The following TRIB2 variants were observed in gnomAD, a reference collection of about 807,000 sequenced individuals.
TRIB2 encodes tribbles homolog 2.
In TRIB2, 2 loss-of-function variants were observed where a neutral mutation model predicts 26.8. That is an observed-to-expected ratio of 0.07 (90% CI 0.03 to 0.24). The LOEUF (loss-of-function observed/expected upper bound fraction) is 0.24, where lower values mean the gene tolerates loss of function less well. TRIB2 is among the 10% of genes least tolerant of loss of function. TRIB2 has a pLI of 1.00. For synonymous variants in TRIB2, 189 were observed against 187.3 expected (o/e 1.01, Z -0.08); for missense variants, 306 against 449.0 (o/e 0.68, Z 2.88).
rs187916442 is a variant in TRIB2 at position 12,718,009 on chromosome 2, A to T, written c.-299A>T. The T allele has an allele frequency of 2.0e-3, 810 of 408,694 alleles. 10 individuals are homozygous for T. Among genetic ancestry groups the T allele is most frequent in the African/African-American group, 0.015 (738 of 50,040 alleles). 25.3% of individuals were successfully genotyped at this position (408,694 alleles called of 1,614,324 possible). On this transcript the variant is annotated 5_prime_UTR_variant, in exon 1 of 3. Transcript: ENST00000155926. This position sits in a 1 kb window ranked among gnomAD's most constrained non-coding sequence, Gnocchi z 4.0. ...TCATCCAGATCCACGCCGGGGACAC[A>T]CACACAGAGTAACTAAAAGTGCGGC...
chr2:12,742,395 G>A lies in TRIB2; in HGVS notation c.*1601G>A, dbSNP rs930040474. 4 of 152,786 alleles carry A rather than the reference G, an allele frequency of 2.6e-5. No individual in the cohort carries two copies. The East Asian group carries it at 7.7e-4, about 29-fold the overall frequency. 9.5% of individuals were successfully genotyped at this position (152,786 alleles called of 1,614,324 possible). ...ATGTGCAGACTCTTGGATGCTTTATGCCTGCGCAGCAGGAGCCCTGTCCTC... is the reference window on the plus strand; with the variant it reads ...ATGTGCAGACTCTTGGATGCTTTATACCTGCGCAGCAGGAGCCCTGTCCTC... On this transcript the variant is annotated 3_prime_UTR_variant, in exon 3 of 3. Coordinates refer to ENST00000155926, the MANE Select transcript of TRIB2 (RefSeq NM_021643.4).
chr2:12,724,548 C>A, intron 2 of TRIB2: 1 of 1,539,214 alleles, frequency 6.5e-7, no homozygotes, highest in Non-Finnish European at 8.7e-7. Flanking sequence ...AATGCCTTTA[C>A]CTTTATTAAC....
At chr2:12,731,170 A>G (rs1026865799) in intron 2 of TRIB2, among the ~76,000 whole-genome samples, 1 of 152,198 alleles carries the variant, frequency 6.6e-6, no homozygotes, top group Non-Finnish European at 1.5e-5. Context: ...GGTGTGGAGA[A>G]TGGTCACCTC....
rs773691614 is a variant in TRIB2, at chr2:12,718,386, T to C, written c.79T>C (p.Leu27=). 3.7e-6 allele frequency: 6 copies of C among 1,613,596 alleles called. No individual in the cohort carries two copies. Among genetic ancestry groups the C allele is most frequent in the Non-Finnish European group, 5.1e-6 (6 of 1,179,928 alleles). ...SRNKTQDFEE[L]SSIRSAEPSQ... ...GAACAAAACCCAGGATTTCGAAGAG[T>C]TGTCGTCTATAAGGTCCGCGGAGCC... Residue 27 remains leucine (L), a synonymous_variant, in exon 1 of 3, where the codon TTG becomes CTG. Coordinates refer to ENST00000155926, the MANE Select transcript of TRIB2 (RefSeq NM_021643.4). This position sits in a 1 kb window ranked among gnomAD's most constrained non-coding sequence, Gnocchi z 4.0.
At chr2:12,725,177 C>T (rs547747201) in intron 2 of TRIB2, among the ~76,000 whole-genome samples, 1 of 152,210 alleles carries the variant, frequency 6.6e-6, no homozygotes, top group African/African-American at 2.4e-5. Flanking sequence ...CCCTCTCTCG[C>T]AGGGATCTGT....
chr2:12,724,974 G>A, intron 2 of TRIB2: 1 of 1,276,630 alleles, frequency 7.8e-7, no homozygotes, highest in South Asian at 1.7e-5. Flanking sequence ...CTTACCATAA[G>A]GTTAAAGTTT....
rs1468436508 is a variant in TRIB2, at chr2:12,740,795, G to A, written c.*1G>A. The A allele has an allele frequency of 6.2e-7, 1 of 1,611,966 alleles. No individual in the cohort carries two copies. Among genetic ancestry groups the A allele is most frequent in the East Asian group, 2.2e-5 (1 of 44,882 alleles). ...GAACTTGGACCCTTTCTTTAACTGA[G>A]CTCATGCCCCACGGAGACTTAGCAG... On this transcript the variant is annotated 3_prime_UTR_variant, in exon 3 of 3. Transcript: ENST00000155926. This position sits in a 1 kb window ranked among gnomAD's most constrained non-coding sequence, Gnocchi z 5.8.
rs1210820277 is a variant in TRIB2, at chr2:12,717,743, A to C, written c.-565A>C. On this transcript the variant is annotated 5_prime_UTR_variant, in exon 1 of 3. Coordinates refer to ENST00000155926, the MANE Select transcript of TRIB2 (RefSeq NM_021643.4). The surrounding 1 kb of genome is among the most constrained non-coding windows in gnomAD (Gnocchi z 4.8). Reference sequence around the variant, plus strand: ...TACACGCCCCCCACCCTTTCCACCAAAAAAAGGGGGTGCAGCGCGGATTCT... The same window carrying C: ...TACACGCCCCCCACCCTTTCCACCACAAAAAGGGGGTGCAGCGCGGATTCT... The C allele has an allele frequency of 5.6e-6, 2 of 356,680 alleles. No homozygotes were observed. Among genetic ancestry groups the C allele is most frequent in the Admixed American group, 4.7e-5 (1 of 21,380 alleles). 22.1% of individuals were successfully genotyped at this position (356,680 alleles called of 1,614,324 possible).
intron 2 of TRIB2, among the ~76,000 whole-genome samples, chr2:12,734,100 T>C (rs1419139571): frequency 1.3e-5 from 2 of 152,206 alleles, no homozygotes; most frequent in African/African-American, 2.4e-5. Context: ...GTTCTCTTCC[T>C]ATGCCAGGCA....
chr2:12,738,950 G>T lies in TRIB2; in HGVS notation c.564-1376G>T, dbSNP rs887852341. On this transcript the variant is annotated intron_variant, in intron 2 of 2. Coordinates refer to ENST00000155926, the MANE Select transcript of TRIB2 (RefSeq NM_021643.4). ...CTGGGTTCCAGGCAGTTTAATGCAG[G>T]ATTTCTTACCTCTTTTCTTGAGCAT... is the stretch of plus-strand genomic sequence containing the variant. 4.6e-5 allele frequency among the ~76,000 whole-genome samples: 7 copies of T among 152,116 alleles called. 1 individual carries two copies. The highest frequency in any genetic ancestry group is 2.0e-4 in the Admixed American group (3 of 15,276).
intron 1 of TRIB2, 38 bp from the exon 2 acceptor site, chr2:12,723,222 C>A: frequency 1.3e-6 from 2 of 1,585,172 alleles, no homozygotes; most frequent in Non-Finnish European, 1.7e-6. Flanking sequence ...GTACAAGAGG[C>A]ACCTCTGACT....
At position 12,740,183 on chromosome 2, in the gene TRIB2, T is replaced by C. The variant is rs771778126; in HGVS notation, c.564-143T>C. ...CAGCTAGAAGGTGCTCAGTGAGTAA[T>C]GTTTGGCTGGTCAGATGAATGCGTG... is the stretch of plus-strand genomic sequence containing the variant. On this transcript the variant is annotated intron_variant, in intron 2 of 2. Coordinates refer to ENST00000155926, the MANE Select transcript of TRIB2 (RefSeq NM_021643.4). The surrounding 1 kb of genome is among the most constrained non-coding windows in gnomAD (Gnocchi z 5.8). The C allele has an allele frequency of 3.1e-5, 25 of 819,440 alleles. No individual in the cohort carries two copies. The highest frequency in any genetic ancestry group is 4.4e-5 in the Non-Finnish European group (23 of 526,024). 50.8% of individuals were successfully genotyped at this position (819,440 alleles called of 1,614,324 possible). A position where few individuals can be genotyped will look rare whatever the true frequency, so the allele number is the denominator to read the frequency against.
rs1325687396 is a variant in TRIB2 at position 12,718,299 on chromosome 2, C to T, written c.-9C>T. On this transcript the variant is annotated 5_prime_UTR_variant, in exon 1 of 3. Coordinates refer to ENST00000155926, the MANE Select transcript of TRIB2 (RefSeq NM_021643.4). This position sits in a 1 kb window ranked among gnomAD's most constrained non-coding sequence, Gnocchi z 4.0. ...TTTTTTTTGTTTGTCGTGTGCGATC[C>T]TCACACTCATGAACATACACAGGTC... The T allele has an allele frequency of 6.2e-7, 1 of 1,607,086 alleles. No homozygotes were observed. Among genetic ancestry groups the T allele is most frequent in the Non-Finnish European group, 8.5e-7 (1 of 1,174,148 alleles).
In TRIB2 at chr2:12,740,267, C is replaced by A; in HGVS notation, c.564-59C>A. On this transcript the variant is annotated intron_variant, in intron 2 of 2. Transcript: ENST00000155926. The surrounding 1 kb of genome is among the most constrained non-coding windows in gnomAD (Gnocchi z 5.8). ...CACTATAGTCGGTTATGTTATGATGCTGGTGGTAACGTGTCTCTGAGCACC... is the reference window on the plus strand; with the variant it reads ...CACTATAGTCGGTTATGTTATGATGATGGTGGTAACGTGTCTCTGAGCACC... The A allele has an allele frequency of 6.8e-7, 1 of 1,476,910 alleles. No individual in the cohort carries two copies. Among genetic ancestry groups the A allele is most frequent in the Non-Finnish European group, 9.3e-7 (1 of 1,071,400 alleles). 91.5% of individuals were successfully genotyped at this position (1,476,910 alleles called of 1,614,324 possible).
chr2:12,726,950 G>A (rs1273800780), intron 2 of TRIB2, among the ~76,000 whole-genome samples: 1 of 152,192 alleles, frequency 6.6e-6, no homozygotes, highest in Non-Finnish European at 1.5e-5. Context: ...AACGTTGTTA[G>A]TGGAACTGCC....
At chr2:12,733,037 A>G (rs1661490060) in intron 2 of TRIB2, among the ~76,000 whole-genome samples, 1 of 139,124 alleles carries the variant, frequency 7.2e-6, no homozygotes, top group Non-Finnish European at 1.6e-5. Flanking sequence ...TCTTCCTGCC[A>G]AGGGCCCACA....
chr2:12,718,131 A>C lies in TRIB2; in HGVS notation c.-177A>C. The C allele has an allele frequency of 1.2e-6, 1 of 857,372 alleles. No homozygotes were observed. Among genetic ancestry groups the C allele is most frequent in the Non-Finnish European group, 1.7e-6 (1 of 577,528 alleles). The allele number at this position is 857,372 out of a possible 1,614,324, so 53.1% of individuals were successfully genotyped here. On this transcript the variant is annotated 5_prime_UTR_variant, in exon 1 of 3. Transcript: ENST00000155926. This position sits in a 1 kb window ranked among gnomAD's most constrained non-coding sequence, Gnocchi z 4.0. ...GAGCCGGGCTCGGAGCAGACGAGGT[A>C]TCCGGCGGCGCCCATTTGGGGGCTT...
rs1276204876 is a variant in TRIB2 at position 12,732,929 on chromosome 2, CACTGACCTTAGGCCACCGG to C, written c.564-7393_564-7375del. On this transcript the variant is annotated intron_variant, in intron 2 of 2. Coordinates refer to ENST00000155926, the MANE Select transcript of TRIB2 (RefSeq NM_021643.4). The surrounding 1 kb of genome is among the most constrained non-coding windows in gnomAD (Gnocchi z 4.2). ...GGCCTTCAGTGACTTCTCTGGATTTCACTGACCTTAGGCCACCGGACTTCCCATCCCTGCCAGGCCCACT... is the reference window on the plus strand; with the variant it reads ...GGCCTTCAGTGACTTCTCTGGATTTCACTTCCCATCCCTGCCAGGCCCACT... Among the ~76,000 whole-genome samples, 1 of 152,156 alleles carries C rather than the reference CACTGACCTTAGGCCACCGG, an allele frequency of 6.6e-6. No homozygotes were observed. Among genetic ancestry groups the C allele is most frequent in the African/African-American group, 2.4e-5 (1 of 41,432 alleles).
At chr2:12,729,400 G>C (rs1661405455) in intron 2 of TRIB2, among the ~76,000 whole-genome samples, 1 of 152,190 alleles carries the variant, frequency 6.6e-6, no homozygotes, top group African/African-American at 2.4e-5. Context: ...CAGAAAGAGA[G>C]AGGCAGGGGT....
Sources: allele counts gnomAD v4.1 joint callset (sites outside exome capture counted in the v4.1 genomes callset), GRCh38; gene constraint gnomAD v4.1.1; non-coding constraint Gnocchi (gnomAD v3.1); transcripts MANE v1.5; gene names NCBI Gene and HGNC (gene_info 2026-07-23, HGNC 2026-07-21).